MSL3: variants seen among roughly 807,000 people sequenced by gnomAD.
MSL3 encodes the protein MSL3-like 1.
Under a neutral mutation model 37.2 loss-of-function variants are expected in MSL3, and 5 were observed. The ratio of observed to expected loss-of-function variants is 0.13; its 90% CI spans 0.07 to 0.28. The LOEUF is 0.28. Ranked by LOEUF, MSL3 falls within the 10% of genes least tolerant of loss-of-function variation. The probability of loss-of-function intolerance (pLI) is 1.00; values close to 1 mark genes in which losing one functional copy is unlikely to be tolerated. For synonymous variants in MSL3, 149 were observed against 147.6 expected, an observed-to-expected ratio of 1.01 and a Z score of -0.07; for missense variants, 315 against 408.5, an observed-to-expected ratio of 0.77 and a Z score of 1.97.
intron 10 of MSL3, among the ~76,000 whole-genome samples, chrX:11,771,701 T>A (rs927146339): frequency 8.9e-6 from 1 of 111,943 alleles, no homozygotes; most frequent in Admixed American, 9.4e-5. Context: ...TGCCTCAGCC[T>A]CCCAAGTAGC....
chrX:11,762,303 GC>G, intron 6 of MSL3, 51 bp downstream of exon 6: 1 of 1,055,971 alleles, frequency 9.5e-7, no homozygotes, highest in Non-Finnish European at 1.3e-6. Flanking sequence ...TTTTCATTTT[GC>G]CATAGTTTGC....
chrX:11,768,150 C>T (rs41304709), intron 9 of MSL3, among the ~76,000 whole-genome samples: 3,139 of 111,399 alleles, frequency 0.028, 64 homozygotes, highest in Non-Finnish European at 0.044. Flanking sequence ...CGACCATCTG[C>T]ACAGTCAATT....
chrX:11,758,725 G>T, intron 1 of MSL3: 2 of 1,167,092 alleles, frequency 1.7e-6, no homozygotes, highest in Non-Finnish European at 2.3e-6. Context: ...CTTCTGTGCG[G>T]CCTGGTGCCG....
chrX:11,759,724 A>G, intron 1 of MSL3, 69 bp from the exon 2 acceptor site: 3 of 1,199,107 alleles, frequency 2.5e-6, no homozygotes, highest in Non-Finnish European at 2.3e-6. Context: ...TCTGTGAATT[A>G]GTTTTCCTGA....
At chrX:11,759,450 A>G (rs1244141865) in intron 1 of MSL3, 1 of 264,829 alleles carries the variant, frequency 3.8e-6, no homozygotes. Flanking sequence ...GGCACTGGAC[A>G]TAGGGGAGCC....
At chrX:11,760,607 AAT>A in intron 3 of MSL3, 109 bp downstream of exon 3, 3 of 544,618 alleles carry the variant, frequency 5.5e-6, no homozygotes, top group Non-Finnish European at 8.3e-6. Flanking sequence ...TTTATTAAAT[AAT>A]TTTAAATATT....
upstream of MSL3, chrX:11,758,214 CG>C: frequency 2.0e-6 from 1 of 506,526 alleles, no homozygotes; most frequent in Non-Finnish European, 2.7e-6. Context: ...CCTCCCCCAC[CG>C]CGCGCGCTCC....
intron 9 of MSL3, chrX:11,765,982 C>T: frequency 9.9e-7 from 1 of 1,008,807 alleles, no homozygotes; most frequent in South Asian, 4.1e-5. Context: ...ATCACTCTAC[C>T]ACTTGTGAGC....
chrX:11,763,288 A>G lies in MSL3; in HGVS notation c.749+291A>G, dbSNP rs775911598. The stretch of plus-strand genomic sequence containing the variant: ...GTTTAGGGCGAGAACTTTCCTTGAG[A>G]AGCACCAGAATGGGCAGTGAGGATT... On this transcript the variant is annotated intron_variant, in intron 7 of 12. Transcript: ENST00000312196. Among the ~76,000 whole-genome samples the G allele has an allele frequency of 2.7e-5, 3 of 112,900 alleles. No individual in the cohort carries two copies. In the South Asian group the frequency reaches 1.1e-3, roughly 41 times the overall value.
At chrX:11,766,290 T>A in intron 9 of MSL3, 2 of 755,825 alleles carry the variant, frequency 2.6e-6, no homozygotes, top group Non-Finnish European at 3.1e-6. Flanking sequence ...AAGTTTACTT[T>A]CTTTTTTTCC....
chrX:11,765,346 A>G (rs770734037), intron 8 of MSL3, 121 bp from the exon 9 acceptor site: 80 of 870,858 alleles, frequency 9.2e-5, no homozygotes, highest in Non-Finnish European at 1.1e-4. Context: ...AGAGGGTCCA[A>G]GTGACTTCGG....
intron 12 of MSL3, among the ~76,000 whole-genome samples, chrX:11,773,539 T>C (rs1439944715): frequency 2.7e-5 from 3 of 112,138 alleles, no homozygotes; most frequent in Admixed American, 1.9e-4. Context: ...AAAGTGTCCA[T>C]GAGTGGAATT....
rs2053090107 is a variant in MSL3, at chrX:11,758,291, A to C, written c.28A>C (p.Lys10Gln). 1 of 1,080,705 alleles carries C rather than the reference A, an allele frequency of 9.3e-7. No individual in the cohort carries two copies. The allele number at this position is 1,080,705 out of a possible 1,213,427, so 89.1% of individuals were successfully genotyped here. MSASEGMKF[K>Q]FHSGEKVLCF... The stretch of plus-strand genomic sequence containing the variant: ...GAGCGCGAGCGAGGGCATGAAATTT[A>C]AATTCCACTCAGGGGAGAAAGTGCT... The change falls in exon 1 of 13, where the codon AAA becomes CAA. Residue 10 changes from lysine to glutamine, a missense_variant. Transcript: ENST00000312196.
intron 10 of MSL3, among the ~76,000 whole-genome samples, chrX:11,770,073 G>T (rs747613774): frequency 8.9e-6 from 1 of 112,975 alleles, no homozygotes; most frequent in Non-Finnish European, 1.9e-5. Flanking sequence ...AAACAAAGGG[G>T]TGTGGCTCTG....
chrX:11,770,161 C>T (rs1472651552), intron 10 of MSL3, among the ~76,000 whole-genome samples: 1 of 112,388 alleles, frequency 8.9e-6, no homozygotes, highest in Non-Finnish European at 1.9e-5. Flanking sequence ...AAATATTATT[C>T]GTATGATTTT....
chrX:11,762,900 G>A lies in MSL3; in HGVS notation c.652G>A (p.Ala218Thr), dbSNP rs1026681286. The change falls in exon 7 of 13, where the codon GCT becomes ACT. Residue 218 changes from alanine to threonine, a missense_variant. By Grantham distance (58) the Ala-to-Thr change is moderately conservative (BLOSUM62 0). Transcript: ENST00000312196. The part of the protein sequence containing the change: ...TILESYVKHF[A>T]INAAFSANER... ...TTTGGAATCCTATGTGAAGCATTTT[G>A]CTATCAATGCAGCCTTTTCAGCCAA... The A allele has an allele frequency of 8.3e-7, 1 of 1,209,959 alleles. No individual in the cohort carries two copies. The highest frequency in any genetic ancestry group is 1.8e-5 in the South Asian group (1 of 56,775).
rs756456901 is a variant in MSL3 at position 11,772,153 on chromosome X, C to T, written c.1282-3C>T. ...AAAAGCATTCAATTCGTGCTTTTTC[C>T]AGGTCCTCTCCTGGAAGCTTGTGCC... On this transcript the variant is annotated splice_polypyrimidine_tract_variant and splice_region_variant and intron_variant, in intron 10 of 12. Transcript: ENST00000312196. 7.5e-6 allele frequency: 9 copies of T among 1,195,656 alleles called. No homozygotes were observed. The highest frequency in any genetic ancestry group is 7.9e-6 in the Non-Finnish European group (7 of 884,575).
At position 11,762,903 on chromosome X, in the gene MSL3, A is replaced by G. The variant is rs1215352819; in HGVS notation, c.655A>G (p.Ile219Val). The G allele has an allele frequency of 8.3e-6, 10 of 1,209,222 alleles. No individual in the cohort carries two copies. The highest frequency in any genetic ancestry group is 5.2e-5 in the African/African-American group (3 of 57,361). The stretch of plus-strand genomic sequence containing the variant: ...GGAATCCTATGTGAAGCATTTTGCT[A>G]TCAATGCAGCCTTTTCAGCCAATGA... ...ILESYVKHFA[I>V]NAAFSANERP... The change falls in exon 7 of 13, where the codon ATC becomes GTC. Residue 219 changes from isoleucine (I) to valine (V), a missense_variant. Ile to Val is a conservative substitution (Grantham distance 29, BLOSUM62 3). Coordinates refer to ENST00000312196, the MANE Select transcript of MSL3 (RefSeq NM_078629.4).
At chrX:11,759,390 C>T (rs1278923876) in intron 1 of MSL3, among the ~76,000 whole-genome samples, 2 of 111,782 alleles carry the variant, frequency 1.8e-5, no homozygotes, top group Non-Finnish European at 3.8e-5. Flanking sequence ...TAGTTGTTCC[C>T]TCTAGGGACA....
Sources: allele counts gnomAD v4.1 joint callset (sites outside exome capture counted in the v4.1 genomes callset), GRCh38; gene constraint gnomAD v4.1.1; transcripts MANE v1.5; gene names NCBI Gene and HGNC (gene_info 2026-07-23, HGNC 2026-07-21).